The following CLIP1 variants were observed in gnomAD, a reference collection of about 807,000 sequenced individuals.
CLIP1 encodes the protein CAP-Gly domain containing linker protein 1.
CLIP1 carries 66 observed loss-of-function variants against 161.6 expected under a neutral mutation model. The ratio of observed to expected loss-of-function variants is 0.41; its 90% CI spans 0.33 to 0.50. The LOEUF (loss-of-function observed/expected upper bound fraction) is 0.50, where lower values mean the gene tolerates loss of function less well. Among genes scored for constraint, CLIP1 ranks in the 20% least tolerant of loss-of-function variants. The pLI is 0.27. For missense variants in CLIP1, 1,376 were observed against 1,702.0 expected (o/e 0.81, Z 3.37); for synonymous variants, 598 against 626.2 (o/e 0.96, Z 0.67).
intron 1 of CLIP1, among the ~76,000 whole-genome samples, chr12:122,415,028 A>C (rs1480052697): frequency 6.6e-6 from 1 of 152,036 alleles, no homozygotes. Context: ...AGTACACTCC[A>C]GCCTCGGCGA....
At chr12:122,342,441 C>T (rs1952549339) in intron 10 of CLIP1, 1 of 152,174 alleles carries the variant, frequency 6.6e-6, no homozygotes, top group Non-Finnish European at 1.5e-5. Context: ...CCACACGTGG[C>T]TATTGAGCAC....
chr12:122,318,255 C>T (rs993058931), intron 18 of CLIP1, among the ~76,000 whole-genome samples: 3 of 152,176 alleles, frequency 2.0e-5, no homozygotes, highest in Non-Finnish European at 4.4e-5. Context: ...AGTATCTGGG[C>T]TGGGCGTGGT....
At chr12:122,357,128 GGCC>G (rs1471205259) in intron 5 of CLIP1, among the ~76,000 whole-genome samples, 3 of 151,484 alleles carry the variant, frequency 2.0e-5, no homozygotes, top group African/African-American at 7.3e-5. Context: ...GTCTCTGCCC[GGCC>G]GCCATCTCAT....
At chr12:122,294,978 C>G (rs1431484026) in intron 20 of CLIP1, among the ~76,000 whole-genome samples, 2 of 150,810 alleles carry the variant, frequency 1.3e-5, no homozygotes, top group African/African-American at 4.9e-5. Flanking sequence ...ATTGCTTGAA[C>G]CCAGGAGGCA....
intron 3 of CLIP1, among the ~76,000 whole-genome samples, chr12:122,370,495 G>C (rs984535531): frequency 1.3e-5 from 2 of 152,026 alleles, no homozygotes; most frequent in African/African-American, 4.8e-5. Flanking sequence ...ATTTTCTCTA[G>C]GCTAAATAAA....
chr12:122,322,114 C>G (rs1164136765), intron 17 of CLIP1: 1 of 152,590 alleles, frequency 6.6e-6, no homozygotes, highest in Non-Finnish European at 1.5e-5. Flanking sequence ...CTCACTTTAC[C>G]GTAAATGACT....
At chr12:122,365,676 T>TAAA in intron 3 of CLIP1, 1 of 570,562 alleles carries the variant, frequency 1.8e-6, no homozygotes, top group Non-Finnish European at 2.9e-6. Flanking sequence ...TCTGGGCTAT[T>TAAA]TAAAAAAAAA....
intron 19 of CLIP1, among the ~76,000 whole-genome samples, chr12:122,312,066 G>A (rs960290059): frequency 2.6e-5 from 4 of 152,166 alleles, no homozygotes; most frequent in Non-Finnish European, 4.4e-5. Context: ...TATTTCTAAT[G>A]GTTTTTAAAG....
chr12:122,276,642 G>C (rs892047367), intron 24 of CLIP1: 2 of 360,536 alleles, frequency 5.5e-6, no homozygotes, highest in Non-Finnish European at 4.9e-6. Context: ...CTCAAGGTGA[G>C]TTTTTCTTTT....
intron 18 of CLIP1, 82 bp from the exon 19 acceptor site, chr12:122,316,937 G>T: frequency 1.2e-6 from 1 of 823,586 alleles, no homozygotes; most frequent in Non-Finnish European, 1.9e-6. Flanking sequence ...ATGAAAATGT[G>T]TACTGAAAAG....
Position 122,355,358 on chromosome 12 carries a change from A to G in CLIP1, c.1006-46T>C, listed in dbSNP as rs568359679. ...AATGAAGGGCGATGATGCTGTCAGAAAAGCGAGGGAGGCGCGATGCATGCA... is the reference window on the plus strand; with the variant it reads ...AATGAAGGGCGATGATGCTGTCAGAGAAGCGAGGGAGGCGCGATGCATGCA... On this transcript the variant is annotated intron_variant, in intron 5 of 25. Coordinates refer to ENST00000620786, the MANE Select transcript of CLIP1 (RefSeq NM_001247997.2). This position sits in a 1 kb window ranked among gnomAD's most constrained non-coding sequence, Gnocchi z 4.1. 236 of 1,568,324 alleles carry G rather than the reference A, an allele frequency of 1.5e-4. 1 individual carries two copies. In the South Asian group the frequency reaches 2.6e-3, roughly 17 times the overall value.
rs897885157 is a variant in CLIP1, at chr12:122,272,781, T to G, written c.*94A>C. On this transcript the variant is annotated 3_prime_UTR_variant, in exon 26 of 26. Coordinates refer to ENST00000620786, the MANE Select transcript of CLIP1 (RefSeq NM_001247997.2). ...TTGTTGACGGGGTTAAAAAATAACA[T>G]GAGTTCTCCTGAAGTCTGCACACAC... is the stretch of plus-strand genomic sequence containing the variant. 11 of 1,068,018 alleles carry G rather than the reference T, an allele frequency of 1.0e-5. No homozygotes were observed. Among genetic ancestry groups the G allele is most frequent in the Non-Finnish European group, 1.6e-5 (11 of 708,676 alleles). 66.2% of individuals were successfully genotyped at this position (1,068,018 alleles called of 1,614,324 possible). A position where few individuals can be genotyped will look rare whatever the true frequency, so the allele number is the denominator to read the frequency against.
chr12:122,318,681 G>C (rs963523164), intron 18 of CLIP1, among the ~76,000 whole-genome samples: 10 of 152,200 alleles, frequency 6.6e-5, no homozygotes, highest in African/African-American at 2.2e-4. Flanking sequence ...GTTGGTATGA[G>C]CTAGGAGGGT....
At chr12:122,336,248 GCCCTGATAA>G (rs1328578047) in intron 12 of CLIP1, among the ~76,000 whole-genome samples, 1 of 151,986 alleles carries the variant, frequency 6.6e-6, no homozygotes, top group Non-Finnish European at 1.5e-5. Flanking sequence ...TACAGCTACT[GCCCTGATAA>G]TCACAGTTTA....
rs1391415901 is a variant in CLIP1, at chr12:122,341,405, T to G, written c.1799A>C (p.Lys600Thr). The change falls in exon 11 of 26, where the codon AAA (lysine) becomes ACA (threonine). Residue 600 changes from lysine to threonine, a missense_variant. Coordinates refer to ENST00000620786, the MANE Select transcript of CLIP1 (RefSeq NM_001247997.2). ...ALYTATEKLS[K>T]ENESLKSKLE... is the part of the protein sequence containing the mutation. ...CTTGCTTTTCAATGACTCGTTCTCTTTGGAAAGCTTTTCCGTGGCGGTATA... is the reference window on the plus strand; with the variant it reads ...CTTGCTTTTCAATGACTCGTTCTCTGTGGAAAGCTTTTCCGTGGCGGTATA... 6.2e-7 allele frequency: 1 copy of G among 1,614,202 alleles called. No homozygotes were observed. The highest frequency in any genetic ancestry group is 1.7e-5 in the Admixed American group (1 of 60,008).
Position 122,407,748 on chromosome 12 carries a change from C to CAAAAAAAAA in CLIP1, c.-107+14764_-107+14772dup, listed in dbSNP as rs35500806. ...GAGGGTTTTTGGTGAGACCCTGTCT[C>CAAAAAAAAA]AAAAAAAAAAAAAAAAAAAAAAAAA... On this transcript the variant is annotated intron_variant, in intron 1 of 25. Coordinates refer to ENST00000620786, the MANE Select transcript of CLIP1 (RefSeq NM_001247997.2). Among the ~76,000 whole-genome samples the CAAAAAAAAA allele has an allele frequency of 2.5e-3, 94 of 38,332 alleles. 17 individuals carry two copies. Among genetic ancestry groups the CAAAAAAAAA allele is most frequent in the African/African-American group, 0.013 (91 of 7,166 alleles). 25.1% of individuals were successfully genotyped at this position (38,332 alleles called of 152,430 possible). A position where few individuals can be genotyped will look rare whatever the true frequency, so the allele number is the denominator to read the frequency against.
intron 3 of CLIP1, among the ~76,000 whole-genome samples, chr12:122,375,253 C>G (rs1759618363): frequency 6.6e-6 from 1 of 151,854 alleles, no homozygotes; most frequent in African/African-American, 2.4e-5. Context: ...CAAACAGTAG[C>G]TACTGTACAT....
rs961518816 is a variant in CLIP1 at position 122,288,970 on chromosome 12, A to C, written c.3595-429T>G. On this transcript the variant is annotated intron_variant, in intron 20 of 25. Coordinates refer to ENST00000620786, the MANE Select transcript of CLIP1 (RefSeq NM_001247997.2). ...AGCTGGGACTACAGGCGCCCGCCACAACGCCCGGCTAATTTTTTGTATTTT... is the reference window on the plus strand; with the variant it reads ...AGCTGGGACTACAGGCGCCCGCCACCACGCCCGGCTAATTTTTTGTATTTT... Among the ~76,000 whole-genome samples, 65 of 150,750 alleles carry C rather than the reference A, an allele frequency of 4.3e-4. 1 individual carries two copies. The highest frequency in any genetic ancestry group is 2.4e-3 in the Admixed American group (36 of 15,192).
intron 11 of CLIP1, among the ~76,000 whole-genome samples, chr12:122,338,898 A>G (rs945288568): frequency 6.6e-6 from 1 of 152,192 alleles, no homozygotes; most frequent in Non-Finnish European, 1.5e-5. Context: ...ATTTCCTGTA[A>G]CCAGTTTGTC....
Sources: gnomAD v4.1 joint callset for allele counts (sites outside exome capture counted in the v4.1 genomes callset) on GRCh38, gnomAD v4.1.1 for gene constraint, Gnocchi (gnomAD v3.1) non-coding constraint, MANE v1.5 for transcripts, NCBI Gene and HGNC (gene_info 2026-07-23, HGNC 2026-07-21) for gene names.